ZNF385D: variants seen among roughly 807,000 people sequenced by gnomAD.
The protein encoded by ZNF385D is zinc finger protein 385D.
A neutral mutation model predicts 35.8 loss-of-function variants in ZNF385D; 15 were observed. The ratio of observed to expected loss-of-function variants is 0.42; its 90% confidence interval spans 0.28 to 0.64. ZNF385D has a LOEUF of 0.64. Ranked by LOEUF, ZNF385D falls within the 30% of genes least tolerant of loss-of-function variation. The pLI is 0.23. For synonymous variants in ZNF385D, 212 were observed against 186.8 expected, an observed-to-expected ratio of 1.13 and a Z score of -1.10; for missense variants, 474 against 494.6, an observed-to-expected ratio of 0.96 and a Z score of 0.39.
At chr3:22,148,316 G>A (rs1433197451) in intron 3 of ZNF385D, among the ~76,000 whole-genome samples, 2 of 152,166 alleles carry the variant, frequency 1.3e-5, no homozygotes, top group African/African-American at 4.8e-5. Flanking sequence ...TAAATAAGTT[G>A]TGTTATTTCT....
intron 2 of ZNF385D, among the ~76,000 whole-genome samples, chr3:21,565,531 A>G (rs894839699): frequency 7.0e-6 from 1 of 143,396 alleles, no homozygotes; most frequent in African/African-American, 2.7e-5. Flanking sequence ...GGCTTGAGCC[A>G]CCACACCCAG....
intron 3 of ZNF385D, among the ~76,000 whole-genome samples, chr3:22,068,352 G>A (rs1018439072): frequency 2.0e-5 from 3 of 151,870 alleles, no homozygotes; most frequent in Admixed American, 6.6e-5. Flanking sequence ...ACACTTTACC[G>A]CCTGTCCCTT....
intron 3 of ZNF385D, among the ~76,000 whole-genome samples, chr3:21,758,310 T>C (rs67745068): frequency 0.068 from 10,402 of 152,240 alleles, 682 homozygotes; most frequent in East Asian, 0.35. Flanking sequence ...ATGCATCCCA[T>C]AGGCATGGCC....
intron 3 of ZNF385D, among the ~76,000 whole-genome samples, chr3:21,927,421 C>G (rs1346415169): frequency 6.6e-6 from 1 of 152,094 alleles, no homozygotes; most frequent in Non-Finnish European, 1.5e-5. Context: ...TGCAACAGTT[C>G]TTGGCAGCTT....
intron 3 of ZNF385D, among the ~76,000 whole-genome samples, chr3:21,982,285 T>C (rs976023686): frequency 6.6e-6 from 1 of 152,110 alleles, no homozygotes; most frequent in Non-Finnish European, 1.5e-5. Context: ...GTAGAGATCT[T>C]GCACCTCCCT....
chr3:21,516,432 C>CT (rs1184397290), intron 3 of ZNF385D, among the ~76,000 whole-genome samples: 2 of 151,820 alleles, frequency 1.3e-5, no homozygotes, highest in Non-Finnish European at 2.9e-5. Context: ...AGAAGTTACC[C>CT]TTTTTTTTAA....
chr3:22,016,620 TAG>T (rs1236061728), intron 3 of ZNF385D, among the ~76,000 whole-genome samples: 4 of 152,030 alleles, frequency 2.6e-5, no homozygotes, highest in Admixed American at 6.6e-5. Flanking sequence ...CCTTCCTGCC[TAG>T]AACAAAAGTT....
intron 2 of ZNF385D, among the ~76,000 whole-genome samples, chr3:21,660,341 T>A (rs955717631): frequency 2.0e-5 from 3 of 152,174 alleles, no homozygotes; most frequent in African/African-American, 7.2e-5. Context: ...TCCTCACTCT[T>A]CCTTGTGCAT....
intron 3 of ZNF385D, among the ~76,000 whole-genome samples, chr3:21,853,402 C>T (rs1696509182): frequency 6.6e-6 from 1 of 151,502 alleles, no homozygotes; most frequent in Non-Finnish European, 1.5e-5. Flanking sequence ...TAAGTCAATC[C>T]ACTTTAATAT....
intron 2 of ZNF385D, among the ~76,000 whole-genome samples, chr3:21,661,580 T>C (rs1272407215): frequency 6.6e-6 from 1 of 152,200 alleles, no homozygotes; most frequent in Non-Finnish European, 1.5e-5. Context: ...GATCAGAATA[T>C]TTTTAAGCAC....
chr3:21,482,213 C>G (rs1242956611), intron 4 of ZNF385D, among the ~76,000 whole-genome samples: 1 of 152,034 alleles, frequency 6.6e-6, no homozygotes, highest in East Asian at 1.9e-4. Flanking sequence ...ATGGTTGACT[C>G]CTACTAAGGG....
intron 3 of ZNF385D, among the ~76,000 whole-genome samples, chr3:21,940,930 A>G (rs999931496): frequency 9.9e-5 from 15 of 152,226 alleles, no homozygotes; most frequent in African/African-American, 3.4e-4. Flanking sequence ...GGATCCATCC[A>G]AGTACTTTTA....
intron 3 of ZNF385D, among the ~76,000 whole-genome samples, chr3:21,809,661 T>TATACACATATGC (rs1553672104): frequency 6.7e-6 from 1 of 148,160 alleles, no homozygotes; most frequent in African/African-American, 2.5e-5. Flanking sequence ...CATATACATA[T>TATACACATATGC]ATACACATAT....
intron 1 of ZNF385D, among the ~76,000 whole-genome samples, chr3:21,725,206 A>G (rs1476116397): frequency 6.6e-6 from 1 of 152,116 alleles, no homozygotes; most frequent in Non-Finnish European, 1.5e-5. Context: ...AATTTATAGC[A>G]CTAGAAGCCC....
intron 2 of ZNF385D, among the ~76,000 whole-genome samples, chr3:21,587,527 A>AGAAG (rs1482291645): frequency 1.3e-5 from 2 of 152,248 alleles, no homozygotes; most frequent in Non-Finnish European, 2.9e-5. Flanking sequence ...GGCAAATTTT[A>AGAAG]GAAGGATGTG....
intron 2 of ZNF385D, among the ~76,000 whole-genome samples, chr3:22,238,015 T>G (rs2125309015): frequency 6.6e-6 from 1 of 151,202 alleles, no homozygotes; most frequent in Non-Finnish European, 1.5e-5. Context: ...TTTATTTTTT[T>G]GATGTGGAAA....
chr3:21,614,862 C>T (rs2064799255), intron 2 of ZNF385D, among the ~76,000 whole-genome samples: 1 of 152,198 alleles, frequency 6.6e-6, no homozygotes, highest in Admixed American at 6.5e-5. Context: ...GCTGGGATTA[C>T]AGGCATAAGC....
chr3:22,364,723 C>G (rs1422920222), intron 2 of ZNF385D, among the ~76,000 whole-genome samples: 2 of 152,060 alleles, frequency 1.3e-5, no homozygotes, highest in Non-Finnish European at 2.9e-5. Flanking sequence ...TGTCATCTAG[C>G]AATTCTGCTT....
At chr3:21,512,442 C>G (rs947005159) in intron 3 of ZNF385D, among the ~76,000 whole-genome samples, 1 of 152,182 alleles carries the variant, frequency 6.6e-6, no homozygotes, top group Admixed American at 6.5e-5. Context: ...CTCTTCATTA[C>G]AGAACCTGTG....
Sources: gnomAD v4.1 joint callset for allele counts (sites outside exome capture counted in the v4.1 genomes callset) on GRCh38, gnomAD v4.1.1 for gene constraint, MANE v1.5 for transcripts, NCBI Gene and HGNC (gene_info 2026-07-23, HGNC 2026-07-21) for gene names.